The following ZFHX3 variants were observed in gnomAD, a reference collection of about 807,000 sequenced individuals.
ZFHX3 encodes the protein zinc finger homeobox protein 3.
In ZFHX3, 42 loss-of-function variants were observed where a neutral mutation model predicts 279.1. The observed-to-expected ratio is 0.15, with a 90% CI of 0.12 to 0.19. The LOEUF is 0.19. Ranked by LOEUF, ZFHX3 falls within the 10% of genes least tolerant of loss-of-function variation. The pLI, the probability that ZFHX3 is intolerant of heterozygous loss-of-function variation, is 1.00. For missense variants in ZFHX3, 4,981 were observed against 4,754.0 expected (o/e 1.05, Z -1.40); for synonymous variants, 2,293 against 1,957.8 (o/e 1.17, Z -4.52).
At chr16:73,695,655 T>A (rs2053191045) in intron 1 of ZFHX3, among the ~76,000 whole-genome samples, 1 of 152,188 alleles carries the variant, frequency 6.6e-6, no homozygotes, top group East Asian at 1.9e-4. Context: ...CATTTCAGCT[T>A]CTTTCATTTC....
intron 5 of ZFHX3, among the ~76,000 whole-genome samples, chr16:73,194,268 T>C (rs550391424): frequency 1.2e-4 from 19 of 152,244 alleles, no homozygotes; most frequent in African/African-American, 4.1e-4. Flanking sequence ...GGTGCGATCA[T>C]GGCTCACTGC....
At chr16:72,995,752 G>A (rs1405104868) in intron 1 of ZFHX3, among the ~76,000 whole-genome samples, 1 of 152,110 alleles carries the variant, frequency 6.6e-6, no homozygotes, top group African/African-American at 2.4e-5. Context: ...AACTTCACAG[G>A]GCCTCAGCGT....
At chr16:73,856,383 A>G (rs1448632668) in intron 1 of ZFHX3, among the ~76,000 whole-genome samples, 2 of 152,182 alleles carry the variant, frequency 1.3e-5, no homozygotes, top group East Asian at 3.9e-4. Context: ...GTTCTATGGT[A>G]TTCAAACTTA....
At chr16:73,258,004 T>G (rs1173308138) in intron 4 of ZFHX3, among the ~76,000 whole-genome samples, 1 of 152,160 alleles carries the variant, frequency 6.6e-6, no homozygotes, top group Non-Finnish European at 1.5e-5. Context: ...GCCAGTAGCA[T>G]CTCCCCACCC....
At chr16:73,570,747 T>A (rs1381333549) in intron 2 of ZFHX3, among the ~76,000 whole-genome samples, 1 of 152,126 alleles carries the variant, frequency 6.6e-6, no homozygotes, top group East Asian at 1.9e-4. Context: ...ACTGACTTGG[T>A]GAATAAAACA....
intron 2 of ZFHX3, among the ~76,000 whole-genome samples, chr16:73,585,796 T>C (rs536354690): frequency 8.7e-4 from 132 of 152,284 alleles, no homozygotes; most frequent in South Asian, 4.3e-3. Context: ...AGTTAAAATG[T>C]TTCAAGGTCT....
intron 1 of ZFHX3, among the ~76,000 whole-genome samples, chr16:73,736,247 C>CTGCT (rs2053609291): frequency 6.6e-6 from 1 of 152,216 alleles, no homozygotes; most frequent in Admixed American, 6.5e-5. Flanking sequence ...TTCTCTCCAA[C>CTGCT]TGCTGATCTG....
chr16:73,171,099 A>G (rs1277165280), intron 5 of ZFHX3, among the ~76,000 whole-genome samples: 1 of 152,140 alleles, frequency 6.6e-6, no homozygotes, highest in Non-Finnish European at 1.5e-5. Flanking sequence ...AGCAAGTTCC[A>G]AAGAGCCTCT....
chr16:73,770,960 A>C (rs1238722869), intron 1 of ZFHX3, among the ~76,000 whole-genome samples: 1 of 152,146 alleles, frequency 6.6e-6, no homozygotes, highest in Non-Finnish European at 1.5e-5. Context: ...GAAGAAGGTA[A>C]AGGACTGGGA....
chr16:73,229,743 A>G (rs1289442004), intron 5 of ZFHX3, among the ~76,000 whole-genome samples: 1 of 152,224 alleles, frequency 6.6e-6, no homozygotes, highest in Non-Finnish European at 1.5e-5. Flanking sequence ...TTCATCTAAA[A>G]TCATGTGATT....
chr16:73,883,544 G>C (rs2142415503), intron 1 of ZFHX3, among the ~76,000 whole-genome samples: 1 of 151,970 alleles, frequency 6.6e-6, no homozygotes, highest in South Asian at 2.1e-4. Flanking sequence ...CACATTCTCA[G>C]AACTTAAGGT....
At chr16:73,419,087 C>G (rs1567478470) in intron 3 of ZFHX3, among the ~76,000 whole-genome samples, 2 of 152,326 alleles carry the variant, frequency 1.3e-5, no homozygotes, top group Non-Finnish European at 2.9e-5. Flanking sequence ...GACAACACAA[C>G]CCAGATGTTG....
chr16:72,925,096 G>T (rs1235530692), intron 3 of ZFHX3, among the ~76,000 whole-genome samples: 1 of 152,194 alleles, frequency 6.6e-6, no homozygotes, highest in Non-Finnish European at 1.5e-5. Context: ...AGTGATACCT[G>T]GATACATTGT....
At chr16:73,538,696 C>T (rs115731219) in intron 2 of ZFHX3, among the ~76,000 whole-genome samples, 54 of 152,250 alleles carry the variant, frequency 3.5e-4, no homozygotes, top group Admixed American at 8.5e-4. Context: ...GTTAATACAG[C>T]GGAGACATGA....
intron 4 of ZFHX3, among the ~76,000 whole-genome samples, chr16:73,289,336 TG>T (rs2014711057): frequency 6.6e-6 from 1 of 151,502 alleles, no homozygotes; most frequent in Non-Finnish European, 1.5e-5. Context: ...AAGGGCAGGG[TG>T]GGGGGAGGTA....
intron 2 of ZFHX3, among the ~76,000 whole-genome samples, chr16:73,661,767 G>T (rs893968008): frequency 6.7e-6 from 1 of 150,166 alleles, no homozygotes; most frequent in African/African-American, 2.4e-5. Flanking sequence ...TATTAGTAAT[G>T]GTTTCAAACA....
intron 2 of ZFHX3, among the ~76,000 whole-genome samples, chr16:73,601,513 C>G (rs1203329086): frequency 3.3e-5 from 5 of 151,486 alleles, no homozygotes; most frequent in Non-Finnish European, 5.9e-5. Context: ...TTTAACTCAT[C>G]ATGTGGTTAC....
chr16:72,947,115 T>C (rs536102219), intron 3 of ZFHX3, among the ~76,000 whole-genome samples: 2 of 152,188 alleles, frequency 1.3e-5, no homozygotes, highest in African/African-American at 4.8e-5. Flanking sequence ...ACCCAAAAGA[T>C]CCCAAGGATT....
rs947980945 is a variant in ZFHX3, at chr16:73,741,606, C to T, written c.-1607-61366G>A. Among the ~76,000 whole-genome samples the T allele has an allele frequency of 3.9e-5, 6 of 152,314 alleles. No individual in the cohort carries two copies. In the South Asian group the frequency reaches 6.2e-4, roughly 16 times the overall value. ...TGGAATCTCTTTCAACAGCCTTGGACTCTCCAGTTAGCCCCACAGAAGCTT... is the reference window on the plus strand; with the variant it reads ...TGGAATCTCTTTCAACAGCCTTGGATTCTCCAGTTAGCCCCACAGAAGCTT... On this transcript the variant is annotated intron_variant, in intron 1 of 17. Coordinates refer to the ZFHX3 transcript ENST00000641206.
Sources: allele counts gnomAD v4.1 joint callset (sites outside exome capture counted in the v4.1 genomes callset), GRCh38; gene constraint gnomAD v4.1.1; transcripts MANE v1.5; gene names NCBI Gene and HGNC (gene_info 2026-07-23, HGNC 2026-07-21).